The following LBHD1 variants were observed in gnomAD, a reference collection of about 807,000 sequenced individuals.
The protein encoded by LBHD1 is LBH domain-containing protein 1.
A neutral mutation model predicts 31.1 loss-of-function variants in LBHD1; 28 were observed. The ratio of observed to expected loss-of-function variants is 0.90; its 90% CI spans 0.67 to 1.24. The LOEUF (loss-of-function observed/expected upper bound fraction) is 1.24, where lower values mean the gene tolerates loss of function less well. LBHD1 is among the 50% of genes most tolerant of loss of function. The probability of loss-of-function intolerance (pLI) is 0.00; values close to 1 mark genes in which losing one functional copy is unlikely to be tolerated. For synonymous variants in LBHD1, 105 were observed against 116.5 expected, an observed-to-expected ratio of 0.90 and a Z score of 0.63; for missense variants, 350 against 323.0, an observed-to-expected ratio of 1.08 and a Z score of -0.64.
intron 1 of LBHD1, 126 bp from the exon 2 acceptor site, chr11:62,670,167 T>A: frequency 2.9e-6 from 3 of 1,019,822 alleles, no homozygotes; most frequent in Non-Finnish European, 4.2e-6. Context: ...GATTATACGC[T>A]TTCAGGGGAG....
chr11:62,669,770 C>T lies in LBHD1; in HGVS notation c.184G>A (p.Val62Met). 1 of 1,614,224 alleles carries T rather than the reference C, an allele frequency of 6.2e-7. No individual in the cohort carries two copies. The highest frequency in any genetic ancestry group is 8.5e-7 in the Non-Finnish European group (1 of 1,180,036). ...TCATTCACCTCACTGGATTCCACCA[C>T]AATAGACGGCAGATGGGACTTTTGA... is the stretch of plus-strand genomic sequence containing the variant. ...FSQKSHLPSI[V>M]VESSEVNEES... Residue 62 changes from valine to methionine, a missense_variant, in exon 3 of 7, where the codon GTG (valine) becomes ATG (methionine). Physicochemically the swap from Val to Met is conservative, Grantham distance 21. Transcript: ENST00000354588.
rs1218039920 is a variant in LBHD1, at chr11:62,664,070, C to T, written c.664-737G>A. Among the ~76,000 whole-genome samples, 3 of 115,530 alleles carry T rather than the reference C, an allele frequency of 2.6e-5. No individual in the cohort carries two copies. The Admixed American group carries it at 3.1e-4, about 12-fold the overall frequency. The allele number at this position is 115,530 out of a possible 152,430, so 75.8% of individuals were successfully genotyped here. The stretch of plus-strand genomic sequence containing the variant: ...CCTGGGCAACAGAGGGAGACTCTGT[C>T]TCAAAAAAGAGGAAAAAAAAAAAAA... On this transcript the variant is annotated intron_variant, in intron 5 of 6. Transcript: ENST00000354588.
chr11:62,666,656 C>T, intron 4 of LBHD1: 1 of 1,614,166 alleles, frequency 6.2e-7, no homozygotes, highest in Non-Finnish European at 8.5e-7. Flanking sequence ...GGACTTTTCT[C>T]CTGTGGCTGT....
chr11:62,664,749 G>T, intron 5 of LBHD1, 100 bp downstream of exon 5: 1 of 1,445,364 alleles, frequency 6.9e-7, no homozygotes, highest in Non-Finnish European at 9.4e-7. Context: ...ATAAGCGTCA[G>T]TGCACAAGGT....
chr11:62,666,058 C>T, intron 4 of LBHD1: 1 of 1,238,856 alleles, frequency 8.1e-7, no homozygotes, highest in South Asian at 1.4e-5. Context: ...TTCTCAAACC[C>T]TACGGTGGGC....
At chr11:62,671,465 TC>T in intron 1 of LBHD1, 98 bp downstream of exon 1, 2 of 1,326,350 alleles carry the variant, frequency 1.5e-6, no homozygotes, top group Non-Finnish European at 1.9e-6. Context: ...ACACGCACTC[TC>T]CCCCTAGCAA....
intron 5 of LBHD1, among the ~76,000 whole-genome samples, chr11:62,664,157 G>A (rs1038915749): frequency 2.0e-5 from 3 of 151,032 alleles, no homozygotes; most frequent in East Asian, 3.9e-4. Context: ...GACACAGGAG[G>A]CCTTGAAACT....
At chr11:62,669,240 G>C (rs1944895834) in intron 3 of LBHD1, among the ~76,000 whole-genome samples, 1 of 151,626 alleles carries the variant, frequency 6.6e-6, no homozygotes, top group African/African-American at 2.4e-5. Flanking sequence ...CTTTCAAAAT[G>C]TTTACATTGC....
intron 1 of LBHD1, chr11:62,670,893 G>A (rs761346269): frequency 1.1e-5 from 2 of 184,170 alleles, no homozygotes; most frequent in Non-Finnish European, 2.3e-5. Flanking sequence ...CTGGGCAACA[G>A]AGTGAGACTC....
intron 4 of LBHD1, chr11:62,666,724 A>G (rs2134630845): frequency 6.2e-7 from 1 of 1,614,032 alleles, no homozygotes; most frequent in Non-Finnish European, 8.5e-7. Context: ...TATGCCCTGG[A>G]CACCCTGCCT....
At chr11:62,664,784 G>C in intron 5 of LBHD1, 65 bp downstream of exon 5, 2 of 1,535,036 alleles carry the variant, frequency 1.3e-6, no homozygotes, top group South Asian at 1.2e-5. Context: ...AGCTGCTCCG[G>C]AGCTCTGCAG....
chr11:62,665,235 C>G, intron 4 of LBHD1: 1 of 770,886 alleles, frequency 1.3e-6, no homozygotes, highest in Non-Finnish European at 2.2e-6. Flanking sequence ...GGGGCTCCGC[C>G]CCGGCCTTCC....
At chr11:62,668,845 GT>G (rs1944887101) in intron 3 of LBHD1, among the ~76,000 whole-genome samples, 1 of 151,564 alleles carries the variant, frequency 6.6e-6, no homozygotes, top group Non-Finnish European at 1.5e-5. Flanking sequence ...CAAAAAAACA[GT>G]ACACAGAGAT....
Position 62,667,768 on chromosome 11 carries a change from G to C in LBHD1, c.314-21C>G, listed in dbSNP as rs760486736. On this transcript the variant is annotated intron_variant, in intron 3 of 6. Coordinates refer to ENST00000354588, the MANE Select transcript of LBHD1 (RefSeq NM_024099.5). ...CCAGCCTGGGATGGAGGAAGAGAGG[G>C]GACAAAAATATTACTGATATATTAT... is the stretch of plus-strand genomic sequence containing the variant. 22 of 1,506,664 alleles carry C rather than the reference G, an allele frequency of 1.5e-5. No individual in the cohort carries two copies. In the East Asian group the frequency reaches 4.8e-4, roughly 33 times the overall value. The allele number at this position is 1,506,664 out of a possible 1,614,324, so 93.3% of individuals were successfully genotyped here.
intron 4 of LBHD1, 38 bp downstream of exon 4, chr11:62,667,485 C>T (rs1402401267): frequency 6.3e-7 from 1 of 1,599,564 alleles, no homozygotes; most frequent in Admixed American, 1.7e-5. Context: ...CTTCATAAAC[C>T]TGGATGAGAT....
In LBHD1 at chr11:62,663,115, T is replaced by C; in HGVS notation, c.*14A>G. The C allele has an allele frequency of 6.2e-7, 1 of 1,614,046 alleles. No homozygotes were observed. Among genetic ancestry groups the C allele is most frequent in the Non-Finnish European group, 8.5e-7 (1 of 1,179,934 alleles). On this transcript the variant is annotated 3_prime_UTR_variant, in exon 7 of 7. Transcript: ENST00000354588. ...GGGGCTTTTGTCTTCTTTTGCCTTT[T>C]GAGCTGTGGTTCACTAGTCCTGGCT...
intron 4 of LBHD1, chr11:62,666,064 T>A: frequency 8.3e-7 from 1 of 1,205,930 alleles, no homozygotes. Context: ...AACCCTACGG[T>A]GGGCCGTGCG....
intron 5 of LBHD1, 134 bp from the exon 6 acceptor site, chr11:62,663,467 G>A (rs1344744508): frequency 2.4e-6 from 2 of 841,128 alleles, no homozygotes; most frequent in East Asian, 2.9e-5. Context: ...AGCACTTTGG[G>A]AGGCCGAGGC....
intron 3 of LBHD1, 155 bp downstream of exon 3, chr11:62,669,486 T>C: frequency 1.0e-6 from 1 of 985,376 alleles, no homozygotes; most frequent in Non-Finnish European, 1.2e-6. Context: ...TCATCAACTT[T>C]GCCAGCTGCC....
Sources: gnomAD v4.1 joint callset for allele counts (sites outside exome capture counted in the v4.1 genomes callset) on GRCh38, gnomAD v4.1.1 for gene constraint, MANE v1.5 for transcripts, NCBI Gene and HGNC (gene_info 2026-07-23, HGNC 2026-07-21) for gene names.